The following HDAC9 variants were observed in gnomAD, a reference collection of about 807,000 sequenced individuals.
The protein encoded by HDAC9 is histone deacetylase 9, also known as MEF-2 interacting transcription repressor (MITR) protein.
In HDAC9, 41 loss-of-function variants were observed where a neutral mutation model predicts 139.4. The ratio of observed to expected loss-of-function variants is 0.29; its 90% CI spans 0.23 to 0.38. The LOEUF (loss-of-function observed/expected upper bound fraction) is 0.38, where lower values mean the gene tolerates loss of function less well. Ranked by LOEUF, HDAC9 falls within the 10% of genes least tolerant of loss-of-function variation. HDAC9 has a pLI of 1.00. For synonymous variants in HDAC9, 517 were observed against 476.2 expected, an observed-to-expected ratio of 1.09 and a Z score of -1.12; for missense variants, 1,147 against 1,297.0, an observed-to-expected ratio of 0.88 and a Z score of 1.78.
At chr7:18,745,518 T>C (rs1787859438) in intron 13 of HDAC9, among the ~76,000 whole-genome samples, 1 of 150,464 alleles carries the variant, frequency 6.6e-6, no homozygotes, top group East Asian at 2.0e-4. Context: ...ATGTAATGAT[T>C]AGACTCTCTA....
chr7:18,919,271 A>C (rs1041730525), intron 22 of HDAC9, among the ~76,000 whole-genome samples: 12 of 152,040 alleles, frequency 7.9e-5, no homozygotes, highest in Non-Finnish European at 1.8e-4. Flanking sequence ...TCATGTTGGC[A>C]TGTAACTGTT....
intron 1 of HDAC9, among the ~76,000 whole-genome samples, chr7:18,309,791 G>GA (rs920191461): frequency 6.0e-5 from 9 of 149,644 alleles, no homozygotes; most frequent in Non-Finnish European, 7.4e-5. Flanking sequence ...TGACTTGGAT[G>GA]AAAAAAAAAG....
chr7:18,968,958 CAAAAAA>C (rs34379636), intron 24 of HDAC9, among the ~76,000 whole-genome samples: 2 of 45,192 alleles, frequency 4.4e-5, no homozygotes, highest in African/African-American at 9.4e-5. Flanking sequence ...GCCTCCCTCT[CAAAAAA>C]AAAAAAAAAA....
At chr7:18,672,206 T>C (rs778068569) in intron 12 of HDAC9, among the ~76,000 whole-genome samples, 2 of 152,028 alleles carry the variant, frequency 1.3e-5, no homozygotes, top group Non-Finnish European at 2.9e-5. Context: ...CCACATCTTC[T>C]CCATTTGTTA....
intron 1 of HDAC9, chr7:18,428,918 T>A (rs1181357156): frequency 6.6e-6 from 1 of 152,370 alleles, no homozygotes; most frequent in African/African-American, 2.4e-5. Flanking sequence ...ATCCCAGTGC[T>A]TAGAGAGTTC....
chr7:18,325,331 C>T (rs1184313781), intron 1 of HDAC9, among the ~76,000 whole-genome samples: 2 of 152,080 alleles, frequency 1.3e-5, no homozygotes, highest in South Asian at 2.1e-4. Flanking sequence ...CCCCAGTTGA[C>T]ATTATGATCA....
intron 2 of HDAC9, among the ~76,000 whole-genome samples, chr7:18,249,573 CA>C (rs1246803545): frequency 6.9e-6 from 1 of 144,086 alleles, no homozygotes; most frequent in Admixed American, 7.0e-5. Context: ...GGTAGTTTTA[CA>C]GGGGAGAGGT....
At chr7:18,188,894 G>C (rs997636201) in intron 2 of HDAC9, among the ~76,000 whole-genome samples, 3 of 152,144 alleles carry the variant, frequency 2.0e-5, no homozygotes, top group African/African-American at 7.2e-5. Flanking sequence ...CACTGTTGGT[G>C]GGGATGAAAA....
At chr7:18,861,752 G>A (rs898093375) in intron 21 of HDAC9, among the ~76,000 whole-genome samples, 6 of 152,012 alleles carry the variant, frequency 3.9e-5, no homozygotes, top group Non-Finnish European at 7.4e-5. Context: ...TTTAAAATTA[G>A]CATTGGCTTC....
At chr7:18,817,183 C>T (rs765078915) in intron 17 of HDAC9, among the ~76,000 whole-genome samples, 8 of 151,980 alleles carry the variant, frequency 5.3e-5, no homozygotes, top group African/African-American at 7.3e-5. Context: ...TACAGGCGCC[C>T]GCCACCACGC....
chr7:18,515,794 G>T (rs1039420554), intron 2 of HDAC9, among the ~76,000 whole-genome samples: 1 of 152,014 alleles, frequency 6.6e-6, no homozygotes, highest in African/African-American at 2.4e-5. Context: ...AATATTCATG[G>T]GATAAGTGAA....
At chr7:18,261,870 C>A (rs1296911673) in intron 2 of HDAC9, among the ~76,000 whole-genome samples, 1 of 152,208 alleles carries the variant, frequency 6.6e-6, no homozygotes, top group Admixed American at 6.5e-5. Flanking sequence ...AACATAAAAT[C>A]ATACAACTAA....
At chr7:18,794,490 G>A (rs1347267270) in intron 17 of HDAC9, among the ~76,000 whole-genome samples, 5 of 152,138 alleles carry the variant, frequency 3.3e-5, no homozygotes, top group African/African-American at 1.2e-4. Flanking sequence ...CAGAGCCTAC[G>A]GAAATATAAT....
chr7:18,640,073 A>G (rs897968762), intron 8 of HDAC9, among the ~76,000 whole-genome samples: 10 of 152,098 alleles, frequency 6.6e-5, no homozygotes, highest in Non-Finnish European at 1.3e-4. Flanking sequence ...TGAAAATTCT[A>G]TATCCACATT....
rs542545692 is a variant in HDAC9, at chr7:18,837,732, C to T, written c.2684+1735C>T. On this transcript the variant is annotated intron_variant, in intron 21 of 25. Transcript: ENST00000686413. ...CTTTGTTTTCCCATCACAAAGTGAGCGGTGGATGAGATTTTTTTCTAAAGA... is the reference window on the plus strand; with the variant it reads ...CTTTGTTTTCCCATCACAAAGTGAGTGGTGGATGAGATTTTTTTCTAAAGA... Among the ~76,000 whole-genome samples the T allele has an allele frequency of 7.2e-5, 11 of 152,098 alleles. No homozygotes were observed. The East Asian group carries it at 7.7e-4, about 11-fold the overall frequency.
chr7:18,375,288 G>C (rs1404089891), intron 1 of HDAC9, among the ~76,000 whole-genome samples: 2 of 152,226 alleles, frequency 1.3e-5, no homozygotes, highest in East Asian at 3.9e-4. Context: ...TGACCAACAT[G>C]GTGAAACCCC....
intron 25 of HDAC9, among the ~76,000 whole-genome samples, chr7:18,985,531 C>T (rs1002331920): frequency 5.9e-5 from 9 of 151,902 alleles, no homozygotes; most frequent in Admixed American, 1.3e-4. Flanking sequence ...AATAAACGTA[C>T]GTGTGCGTGT....
chr7:18,824,090 C>CAAGAAGAAGAACAAGAAG lies in HDAC9; in HGVS notation c.2323-5066_2323-5065insGAAGAACAAGAAGAAGAA, dbSNP rs796695519. 4.3e-3 allele frequency among the ~76,000 whole-genome samples: 534 copies of CAAGAAGAAGAACAAGAAG among 123,164 alleles called. 5 individuals carry two copies. The highest frequency in any genetic ancestry group is 0.015 in the African/African-American group (516 of 33,502). The allele number at this position is 123,164 out of a possible 152,430, so 80.8% of individuals were successfully genotyped here. A position where few individuals can be genotyped will look rare whatever the true frequency, so the allele number is the denominator to read the frequency against. On this transcript the variant is annotated intron_variant, in intron 17 of 25. Transcript: ENST00000686413. Reference sequence around the variant, plus strand: ...AGAAGAAGAAGAAGAAGAAGAAGAACAAGAACAAGAAGGAGAAGAAGAAGA... The same window carrying CAAGAAGAAGAACAAGAAG: ...AGAAGAAGAAGAAGAAGAAGAAGAACAAGAAGAAGAACAAGAAGAAGAACAAGAAGGAGAAGAAGAAGA...
intron 1 of HDAC9, among the ~76,000 whole-genome samples, chr7:18,140,959 T>A (rs947317913): frequency 6.6e-6 from 1 of 151,878 alleles, no homozygotes; most frequent in Non-Finnish European, 1.5e-5. Flanking sequence ...TGACTTCCCA[T>A]GCCTTCATAA....
Sources: gnomAD v4.1 joint callset for allele counts (sites outside exome capture counted in the v4.1 genomes callset) on GRCh38, gnomAD v4.1.1 for gene constraint, MANE v1.5 for transcripts, NCBI Gene and HGNC (gene_info 2026-07-23, HGNC 2026-07-21) for gene names.